FAM13B: variants seen among roughly 807,000 people sequenced by gnomAD.
FAM13B encodes the protein family with sequence similarity 13 member B, also known as protein FAM13B.
A neutral mutation model predicts 117.3 loss-of-function variants in FAM13B; 60 were observed. The observed-to-expected ratio is 0.51, with a 90% CI of 0.42 to 0.63. The LOEUF is 0.63. Ranked by LOEUF, FAM13B falls within the 30% of genes least tolerant of loss-of-function variation. The pLI, the probability that FAM13B is intolerant of heterozygous loss-of-function variation, is 0.00. For synonymous variants in FAM13B, 332 were observed against 356.1 expected, an observed-to-expected ratio of 0.93 and a Z score of 0.76; for missense variants, 972 against 1,091.9, an observed-to-expected ratio of 0.89 and a Z score of 1.55.
At chr5:137,947,490 A>G (rs538945044) in intron 18 of FAM13B, among the ~76,000 whole-genome samples, 6 of 152,192 alleles carry the variant, frequency 3.9e-5, no homozygotes, top group Non-Finnish European at 8.8e-5. Context: ...GTTCACACCT[A>G]TAATCTCAGC....
At chr5:137,948,812 T>G (rs934691081) in intron 18 of FAM13B, 143 bp downstream of exon 18, 8 of 646,632 alleles carry the variant, frequency 1.2e-5, no homozygotes, top group Non-Finnish European at 1.9e-5. Flanking sequence ...TTATGCTGAT[T>G]AAATCATGTT....
At chr5:137,983,176 TAAAAAAA>T (rs56880991) in intron 10 of FAM13B, among the ~76,000 whole-genome samples, 53 of 75,092 alleles carry the variant, frequency 7.1e-4, no homozygotes, top group South Asian at 2.8e-3. Flanking sequence ...CCAGTGTAGG[TAAAAAAA>T]AAAAAAAAAA....
At chr5:138,027,181 A>C (rs1271485616) in intron 1 of FAM13B, among the ~76,000 whole-genome samples, 2 of 152,132 alleles carry the variant, frequency 1.3e-5, no homozygotes, top group African/African-American at 4.8e-5. Context: ...CTACCTTCAA[A>C]TAGAATAGGA....
intron 10 of FAM13B, among the ~76,000 whole-genome samples, chr5:137,966,846 T>G (rs1465435392): frequency 6.6e-6 from 1 of 152,148 alleles, no homozygotes; most frequent in African/African-American, 2.4e-5. Flanking sequence ...AGGCATTTAG[T>G]TTATAATAAA....
intron 13 of FAM13B, among the ~76,000 whole-genome samples, chr5:137,958,708 T>C (rs1767264013): frequency 6.6e-6 from 1 of 152,232 alleles, no homozygotes; most frequent in Non-Finnish European, 1.5e-5. Context: ...TCCAAATTTA[T>C]TGCTTGATTC....
chr5:138,040,130 G>A (rs1274110068), intron 1 of FAM13B, among the ~76,000 whole-genome samples: 1 of 151,786 alleles, frequency 6.6e-6, no homozygotes, highest in African/African-American at 2.4e-5. Flanking sequence ...TAGGCGTAGT[G>A]GCGCATGCCT....
chr5:137,994,006 T>C (rs1779267632), intron 7 of FAM13B, among the ~76,000 whole-genome samples: 1 of 152,158 alleles, frequency 6.6e-6, no homozygotes, highest in Non-Finnish European at 1.5e-5. Flanking sequence ...AATTTCCAGT[T>C]ATTCAAAGGA....
Position 138,011,954 on chromosome 5 carries a change from C to T in FAM13B, c.371-9G>A. On this transcript the variant is annotated splice_polypyrimidine_tract_variant and intron_variant, in intron 4 of 23. Coordinates refer to ENST00000689681, the MANE Select transcript of FAM13B (RefSeq NM_001385994.1). ...ATCTTCATTATTATAATCTATAAAA[C>T]AATAATAACAGGTTTTTTTCAATAA... 6.5e-7 allele frequency: 1 copy of T among 1,549,418 alleles called. No individual in the cohort carries two copies. The highest frequency in any genetic ancestry group is 8.7e-7 in the Non-Finnish European group (1 of 1,149,262).
At position 137,983,176 on chromosome 5, in the gene FAM13B, TAAAAAAAAAAAAAAAAAAAAA is replaced by T. The variant is rs56880991; in HGVS notation, c.1179+2060_1179+2080del. Among the ~76,000 whole-genome samples the T allele has an allele frequency of 2.4e-4, 18 of 75,112 alleles. 1 individual carries two copies. Among genetic ancestry groups the T allele is most frequent in the African/African-American group, 6.3e-4 (11 of 17,530 alleles). The allele number at this position is 75,112 out of a possible 152,430, so 49.3% of individuals were successfully genotyped here. The stretch of plus-strand genomic sequence containing the variant: ...AATGAGAAAGAACAGCCAGTGTAGG[TAAAAAAAAAAAAAAAAAAAAA>T]AAAAAAAAAAAAAAAAAACCGAGTG... On this transcript the variant is annotated intron_variant, in intron 10 of 23. Transcript: ENST00000689681.
intron 1 of FAM13B, among the ~76,000 whole-genome samples, chr5:138,047,681 A>G (rs1791682788): frequency 6.6e-6 from 1 of 152,212 alleles, no homozygotes; most frequent in South Asian, 2.1e-4. Flanking sequence ...ACAGGCCTTT[A>G]TAAATGGAAG....
chr5:138,043,294 T>A (rs772413586), intron 1 of FAM13B, among the ~76,000 whole-genome samples: 13 of 151,882 alleles, frequency 8.6e-5, no homozygotes, highest in Non-Finnish European at 1.9e-4. Context: ...TGAGGCCAGG[T>A]CAAAGCTGCA....
At chr5:138,029,923 T>C (rs1355804715) in intron 1 of FAM13B, among the ~76,000 whole-genome samples, 2 of 152,208 alleles carry the variant, frequency 1.3e-5, no homozygotes, top group East Asian at 3.8e-4. Flanking sequence ...AGAATCTTTA[T>C]ACATTATATA....
chr5:137,973,012 T>C (rs62381754), intron 10 of FAM13B, among the ~76,000 whole-genome samples: 111,459 of 151,176 alleles, frequency 0.74, 41,714 homozygotes, highest in East Asian at 0.97. Context: ...AGAATCGATA[T>C]CATGAAAATG....
chr5:138,049,102 C>A (rs1174035835), intron 1 of FAM13B, among the ~76,000 whole-genome samples: 1 of 151,968 alleles, frequency 6.6e-6, no homozygotes, highest in African/African-American at 2.4e-5. Context: ...CCACCGCGCC[C>A]AGCTAATTTT....
intron 8 of FAM13B, among the ~76,000 whole-genome samples, chr5:137,987,928 A>G (rs1248752865): frequency 3.3e-5 from 5 of 152,242 alleles, no homozygotes; most frequent in Non-Finnish European, 7.4e-5. Context: ...TTTCAAAGCT[A>G]TACTTATAAA....
chr5:138,042,817 C>T (rs1315553383), intron 1 of FAM13B, among the ~76,000 whole-genome samples: 2 of 152,068 alleles, frequency 1.3e-5, no homozygotes, highest in South Asian at 4.1e-4. Flanking sequence ...AGGGGCCAGG[C>T]GCGGTGGGTC....
intron 10 of FAM13B, among the ~76,000 whole-genome samples, chr5:137,978,404 G>A (rs936046443): frequency 1.3e-4 from 19 of 151,324 alleles, no homozygotes; most frequent in Admixed American, 2.0e-4. Flanking sequence ...TTATACTTCC[G>A]ATGTCTGTAT....
intron 16 of FAM13B, 33 bp from the exon 17 acceptor site, chr5:137,952,742 T>C (rs1247444209): frequency 7.8e-7 from 1 of 1,281,116 alleles, no homozygotes; most frequent in Non-Finnish European, 1.1e-6. Context: ...CACTGACACT[T>C]GTGATAAGCA....
At chr5:137,969,126 C>T (rs1020876087) in intron 10 of FAM13B, among the ~76,000 whole-genome samples, 1 of 152,268 alleles carries the variant, frequency 6.6e-6, no homozygotes, top group African/African-American at 2.4e-5. Flanking sequence ...AGGAGGCCTG[C>T]CTGCCTCTGT....
Sources: allele counts gnomAD v4.1 joint callset (sites outside exome capture counted in the v4.1 genomes callset), GRCh38; gene constraint gnomAD v4.1.1; transcripts MANE v1.5; gene names NCBI Gene and HGNC (gene_info 2026-07-23, HGNC 2026-07-21).